The following NSF variants were observed in gnomAD, a reference collection of about 807,000 sequenced individuals.
The protein encoded by NSF is vesicle-fusing ATPase.
NSF carries 14 observed loss-of-function variants against 50.3 expected under a neutral mutation model. That is an observed-to-expected ratio of 0.28 (90% CI 0.18 to 0.44). NSF has a LOEUF of 0.44. Ranked by LOEUF, NSF falls within the 20% of genes least tolerant of loss-of-function variation. The probability of loss-of-function intolerance (pLI) is 1.00; values close to 1 mark genes in which losing one functional copy is unlikely to be tolerated. For missense variants in NSF, 218 were observed against 504.3 expected (o/e 0.43, Z 5.44); for synonymous variants, 109 against 175.7 (o/e 0.62, Z 3.00).
intron 15 of NSF, chr17:46,721,701 C>A: frequency 6.2e-7 from 1 of 1,607,004 alleles, no homozygotes; most frequent in Non-Finnish European, 8.5e-7. Flanking sequence ...TCCAAATGAA[C>A]CTTTATGAGC....
chr17:46,719,364 G>T lies in NSF; in HGVS notation c.1761+5378G>T, dbSNP rs1211145366. 6.6e-6 allele frequency among the ~76,000 whole-genome samples: 1 copy of T among 152,178 alleles called. No individual in the cohort carries two copies. The highest frequency in any genetic ancestry group is 1.5e-5 in the Non-Finnish European group (1 of 68,020). Reference sequence around the variant, plus strand: ...AGAGGGCTGTTAGGCTTGCTTTAATGAGTACATGAGATTTTATTATAATTA... The same window carrying T: ...AGAGGGCTGTTAGGCTTGCTTTAATTAGTACATGAGATTTTATTATAATTA... On this transcript the variant is annotated intron_variant, in intron 15 of 20. Transcript: ENST00000398238. This position sits in a 1 kb window ranked among gnomAD's most constrained non-coding sequence, Gnocchi z 4.3.
chr17:46,736,245 C>G (rs2059003559), intron 17 of NSF, among the ~76,000 whole-genome samples: 2 of 152,176 alleles, frequency 1.3e-5, no homozygotes, highest in South Asian at 4.1e-4. Flanking sequence ...CAGGAATTGC[C>G]AAGATCAGTA....
intron 17 of NSF, among the ~76,000 whole-genome samples, chr17:46,731,300 G>A (rs2058946546): frequency 6.6e-6 from 1 of 152,098 alleles, no homozygotes; most frequent in African/African-American, 2.4e-5. Context: ...TATAAAGACA[G>A]AAAATATATT....
chr17:46,755,218 ATG>A, intron 19 of NSF, 94 bp from the exon 20 acceptor site: 1 of 859,922 alleles, frequency 1.2e-6, no homozygotes, highest in Admixed American at 1.8e-5. Flanking sequence ...CAGAGCATTG[ATG>A]AAGTGTGAAA....
At chr17:46,753,259 G>A (rs1279892884) in intron 19 of NSF, among the ~76,000 whole-genome samples, 2 of 152,160 alleles carry the variant, frequency 1.3e-5, no homozygotes, top group African/African-American at 2.4e-5. Flanking sequence ...GGCAGTGAGC[G>A]GCAGAGGTGA....
At chr17:46,727,434 A>G (rs2058901023) in intron 16 of NSF, among the ~76,000 whole-genome samples, 1 of 152,208 alleles carries the variant, frequency 6.6e-6, no homozygotes, top group Non-Finnish European at 1.5e-5. Flanking sequence ...ACATCTGAAA[A>G]TACTACCCAG....
chr17:46,621,881 TA>T (rs962542274), intron 1 of NSF, among the ~76,000 whole-genome samples: 1 of 140,240 alleles, frequency 7.1e-6, no homozygotes, highest in African/African-American at 2.6e-5. Flanking sequence ...TACTTACCAA[TA>T]AAAGAATACA....
intron 12 of NSF, among the ~76,000 whole-genome samples, chr17:46,697,861 GT>G (rs1200988452): frequency 9.5e-5 from 10 of 104,906 alleles, no homozygotes; most frequent in Non-Finnish European, 1.5e-4. Context: ...GCCTGGCTAA[GT>G]TTTTGTATTT....
At chr17:46,723,758 CT>C (rs2058856832) in intron 15 of NSF, among the ~76,000 whole-genome samples, 1 of 152,204 alleles carries the variant, frequency 6.6e-6, no homozygotes, top group Non-Finnish European at 1.5e-5. Flanking sequence ...ATTCTGTCCA[CT>C]TACCAGCACA....
intron 15 of NSF, among the ~76,000 whole-genome samples, chr17:46,715,918 G>A (rs2058764163): frequency 6.6e-6 from 1 of 152,196 alleles, no homozygotes; most frequent in Middle Eastern, 3.4e-3. Context: ...CGGATCATCC[G>A]TGCACTCTTA....
chr17:46,622,566 T>A (rs112860751), intron 1 of NSF, among the ~76,000 whole-genome samples: 3 of 145,438 alleles, frequency 2.1e-5, no homozygotes, highest in Non-Finnish European at 4.5e-5. Context: ...GCGGATTGCC[T>A]GAGCTCAGGA....
intron 13 of NSF, among the ~76,000 whole-genome samples, chr17:46,709,300 A>G (rs1320100727): frequency 1.3e-5 from 2 of 152,116 alleles, no homozygotes; most frequent in East Asian, 3.9e-4. Context: ...GGAAGTGACA[A>G]CTAAAAACTT....
intron 15 of NSF, among the ~76,000 whole-genome samples, chr17:46,726,086 T>C (rs1024783121): frequency 6.6e-6 from 1 of 152,242 alleles, no homozygotes; most frequent in Non-Finnish European, 1.5e-5. Context: ...TGTAAGCTCT[T>C]TTACCATTAT....
intron 8 of NSF, among the ~76,000 whole-genome samples, chr17:46,658,262 A>T (rs1368714505): frequency 2.2e-4 from 1 of 4,616 alleles, no homozygotes; most frequent in Non-Finnish European, 3.2e-4. Flanking sequence ...CTGCCCTTGA[A>T]CTCCTGACCT....
At chr17:46,671,784 A>G (rs1291251089) in intron 8 of NSF, among the ~76,000 whole-genome samples, 1 of 127,970 alleles carries the variant, frequency 7.8e-6, no homozygotes, top group African/African-American at 2.8e-5. Flanking sequence ...AGTTCAAAAC[A>G]CATTAATTTG....
In NSF at chr17:46,728,857, T is replaced by C. The variant is rs755313462; in HGVS notation, c.1831T>C (p.Tyr611His). Reference protein sequence around the residue: ...VVDDIERLLDYVPIGPRFSNL... With the variant: ...VVDDIERLLDHVPIGPRFSNL... ...ACATAATAATGTTTCTTTTCCAGAT[T>C]ACGTCCCTATTGGCCCTCGATTTTC... The change falls in exon 17 of 21, where the codon TAC (tyrosine) becomes CAC (histidine). Residue 611 changes from tyrosine (Y) to histidine (H), a missense_variant and splice_region_variant. Around this residue, in one of 2 missense-constraint regions of NSF, gnomAD observed 209 missense variants for 320.9 expected, o/e 0.65. Coordinates refer to ENST00000398238, the MANE Select transcript of NSF (RefSeq NM_006178.4). 1 of 1,601,284 alleles carries C rather than the reference T, an allele frequency of 6.2e-7. No homozygotes were observed. Among genetic ancestry groups the C allele is most frequent in the Non-Finnish European group, 8.5e-7 (1 of 1,172,782 alleles).
intron 13 of NSF, among the ~76,000 whole-genome samples, chr17:46,707,821 CAGG>C (rs1333498692): frequency 2.0e-5 from 3 of 152,000 alleles, no homozygotes; most frequent in Non-Finnish European, 4.4e-5. Flanking sequence ...CACCTGAAGT[CAGG>C]AGTTCAAAAC....
intron 17 of NSF, among the ~76,000 whole-genome samples, chr17:46,734,374 T>C (rs1413320373): frequency 6.6e-6 from 1 of 152,184 alleles, no homozygotes; most frequent in Admixed American, 6.5e-5. Flanking sequence ...GACTTTTGCA[T>C]TGGGCTTCAT....
chr17:46,717,796 C>T (rs1373385991), intron 15 of NSF, among the ~76,000 whole-genome samples: 3 of 152,208 alleles, frequency 2.0e-5, no homozygotes, highest in East Asian at 1.9e-4. Context: ...GCAGTGCCAG[C>T]GGCAAGCGAA....
Sources: allele counts gnomAD v4.1 joint callset (sites outside exome capture counted in the v4.1 genomes callset), GRCh38; gene constraint gnomAD v4.1.1; regional missense constraint gnomAD v4.1.1; non-coding constraint Gnocchi (gnomAD v3.1); transcripts MANE v1.5; gene names NCBI Gene and HGNC (gene_info 2026-07-23, HGNC 2026-07-21).